PHACTR3: variants seen among roughly 807,000 people sequenced by gnomAD.
PHACTR3 encodes phosphatase and actin regulator 3, also known as protein phosphatase 1, regulatory subunit 123.
PHACTR3 carries 16 observed loss-of-function variants against 66.8 expected under a neutral mutation model. The ratio of observed to expected loss-of-function variants is 0.24; its 90% CI spans 0.16 to 0.36. PHACTR3 has a LOEUF of 0.36. Ranked by LOEUF, PHACTR3 falls within the 10% of genes least tolerant of loss-of-function variation. The pLI is 1.00. For missense variants in PHACTR3, 647 were observed against 719.9 expected (o/e 0.90, Z 1.16); for synonymous variants, 323 against 292.1 (o/e 1.11, Z -1.08).
At chr20:59,815,121 A>T (rs2041847663) in intron 8 of PHACTR3, among the ~76,000 whole-genome samples, 1 of 152,104 alleles carries the variant, frequency 6.6e-6, no homozygotes. Context: ...TTGTTAATGA[A>T]CAGTCTTCAA....
At chr20:59,587,594 C>G (rs1568918046) in intron 1 of PHACTR3, among the ~76,000 whole-genome samples, 3 of 152,242 alleles carry the variant, frequency 2.0e-5, no homozygotes. Context: ...TACCTGCTTC[C>G]CTCTCTGGGT....
intron 1 of PHACTR3, among the ~76,000 whole-genome samples, chr20:59,631,392 A>G (rs934389620): frequency 6.6e-6 from 1 of 152,134 alleles, no homozygotes; most frequent in Non-Finnish European, 1.5e-5. Context: ...AGCCCCCAGC[A>G]ACAGCAAACA....
At chr20:59,817,986 G>A (rs1427169005) in intron 8 of PHACTR3, among the ~76,000 whole-genome samples, 1 of 152,162 alleles carries the variant, frequency 6.6e-6, no homozygotes, top group African/African-American at 2.4e-5. Context: ...AAATAAATGG[G>A]TCATCCTGTA....
intron 8 of PHACTR3, among the ~76,000 whole-genome samples, chr20:59,822,676 G>A (rs2042084960): frequency 6.6e-6 from 1 of 152,202 alleles, no homozygotes; most frequent in Non-Finnish European, 1.5e-5. Context: ...CTTTCAGATG[G>A]ATTTGGTTTC....
chr20:59,740,874 T>C (rs1427009414), intron 1 of PHACTR3, among the ~76,000 whole-genome samples: 1 of 152,202 alleles, frequency 6.6e-6, no homozygotes, highest in African/African-American at 2.4e-5. Context: ...CATATGGCTC[T>C]TCTCAGGCTG....
In PHACTR3 at chr20:59,681,299, C is replaced by T. The variant is rs912047822; in HGVS notation, c.119-61808C>T. Among the ~76,000 whole-genome samples, 6 of 152,334 alleles carry T rather than the reference C, an allele frequency of 3.9e-5. No individual in the cohort carries two copies. In the East Asian group the frequency reaches 7.7e-4, roughly 20 times the overall value. On this transcript the variant is annotated intron_variant, in intron 1 of 12. Transcript: ENST00000371015. ...GTGCACATGTGCATACATACTCATA[C>T]TAAGGACATGCAGCAAGACGTTAAG...
chr20:59,590,675 A>G (rs2033155939), intron 1 of PHACTR3, among the ~76,000 whole-genome samples: 1 of 152,308 alleles, frequency 6.6e-6, no homozygotes, highest in Middle Eastern at 3.4e-3. Flanking sequence ...TTGGGCTACA[A>G]CAACAAAATA....
At chr20:59,761,213 GAGGGGTGCCTCCCTCCCT>G in intron 4 of PHACTR3, among the ~76,000 whole-genome samples, 1 of 152,216 alleles carries the variant, frequency 6.6e-6, no homozygotes, top group Admixed American at 6.5e-5. Context: ...GCCAGGGAGG[GAGGGGTGCCTCCCTCCCT>G]GTGCCCTGCT....
intron 1 of PHACTR3, among the ~76,000 whole-genome samples, chr20:59,719,831 G>A (rs1391875988): frequency 1.3e-5 from 2 of 152,190 alleles, no homozygotes; most frequent in East Asian, 1.9e-4. Flanking sequence ...TGATGACCCT[G>A]GAAAGGCTTG....
At chr20:59,601,580 C>T (rs2033479528), upstream of PHACTR3, among the ~76,000 whole-genome samples, 1 of 152,196 alleles carries the variant, frequency 6.6e-6, no homozygotes, top group Non-Finnish European at 1.5e-5. Flanking sequence ...ACCTTGGGGA[C>T]CAGATCCTCA....
chr20:59,661,272 G>A (rs1261670359), intron 1 of PHACTR3, among the ~76,000 whole-genome samples: 1 of 152,158 alleles, frequency 6.6e-6, no homozygotes, highest in Non-Finnish European at 1.5e-5. Context: ...TTAGGAGTGT[G>A]GAGCAGGATG....
intron 1 of PHACTR3, among the ~76,000 whole-genome samples, chr20:59,722,148 T>C (rs191274513): frequency 2.4e-4 from 36 of 151,880 alleles, no homozygotes; most frequent in Admixed American, 2.1e-3. Flanking sequence ...AGGAGAATGG[T>C]GTGAACCTGG....
chr20:59,703,697 G>T (rs183576052), intron 1 of PHACTR3, among the ~76,000 whole-genome samples: 1 of 147,298 alleles, frequency 6.8e-6, no homozygotes, highest in East Asian at 1.9e-4. Context: ...TGGGGTGTGT[G>T]TGTGTGAGTG....
intron 11 of PHACTR3, among the ~76,000 whole-genome samples, chr20:59,841,866 TA>T (rs1210872710): frequency 1.3e-5 from 2 of 152,090 alleles, no homozygotes; most frequent in African/African-American, 4.8e-5. Context: ...AAGGATTATC[TA>T]GTACCAAATG....
intron 7 of PHACTR3, among the ~76,000 whole-genome samples, chr20:59,783,446 C>CAT (rs2040799791): frequency 6.6e-6 from 1 of 150,630 alleles, no homozygotes; most frequent in African/African-American, 2.5e-5. Context: ...CACCCCGGCC[C>CAT]TTTTTTTTGT....
At chr20:59,831,824 C>A (rs561882281) in intron 8 of PHACTR3, among the ~76,000 whole-genome samples, 1 of 152,204 alleles carries the variant, frequency 6.6e-6, no homozygotes, top group Non-Finnish European at 1.5e-5. Context: ...CTTTGCTCCT[C>A]GACACAGGCT....
intron 7 of PHACTR3, among the ~76,000 whole-genome samples, chr20:59,795,262 T>A (rs2041219067): frequency 6.6e-6 from 1 of 152,180 alleles, no homozygotes; most frequent in African/African-American, 2.4e-5. Flanking sequence ...TTCAGGAGCA[T>A]GATGTTTTAT....
intron 2 of PHACTR3, among the ~76,000 whole-genome samples, chr20:59,744,048 G>T (rs1188023800): frequency 3.9e-5 from 6 of 152,194 alleles, no homozygotes; most frequent in African/African-American, 1.4e-4. Flanking sequence ...CACAGACAGG[G>T]TGGACACAGG....
intron 1 of PHACTR3, among the ~76,000 whole-genome samples, chr20:59,674,864 CTTCTCCTGTCCCCCG>C (rs2036385221): frequency 2.8e-5 from 3 of 107,168 alleles, no homozygotes; most frequent in East Asian, 3.1e-4. Context: ...CCTGTTGCCC[CTTCTCCTGTCCCCCG>C]CTTCTCCTGT....
Sources: gnomAD v4.1 joint callset for allele counts (sites outside exome capture counted in the v4.1 genomes callset) on GRCh38, gnomAD v4.1.1 for gene constraint, MANE v1.5 for transcripts, NCBI Gene and HGNC (gene_info 2026-07-23, HGNC 2026-07-21) for gene names.